Variants in LY9 observed in about 807,000 individuals in gnomAD.
The protein encoded by LY9 is lymphocyte antigen 9.
In LY9, 59 loss-of-function variants were observed where a neutral mutation model predicts 64.6. The ratio of observed to expected loss-of-function variants is 0.91; its 90% confidence interval spans 0.74 to 1.13. The LOEUF is 1.13. LY9 is among the 50% of genes most tolerant of loss of function. The pLI is 0.00. For missense variants in LY9, 789 were observed against 797.2 expected, an observed-to-expected ratio of 0.99 and a Z score of 0.12; for synonymous variants, 281 against 308.5, an observed-to-expected ratio of 0.91 and a Z score of 0.93.
rs201992005 is a variant in LY9, at chr1:160,805,789, TCTCA to T, written c.454+5711_454+5714del. Among the ~76,000 whole-genome samples, 1,303 of 145,088 alleles carry T rather than the reference TCTCA, an allele frequency of 9.0e-3. 23 individuals are homozygous for T. The highest frequency in any genetic ancestry group is 0.031 in the African/African-American group (1,249 of 40,274). ...CACACACACACACACACACTCTTAC[TCTCA>T]CTCTCTCTCTGGTAATATTTGCTTT... On this transcript the variant is annotated intron_variant, in intron 2 of 9. Coordinates refer to ENST00000263285, the MANE Select transcript of LY9 (RefSeq NM_002348.4).
At chr1:160,822,340 T>C (rs1367934537) in intron 7 of LY9, among the ~76,000 whole-genome samples, 1 of 152,136 alleles carries the variant, frequency 6.6e-6, no homozygotes, top group Non-Finnish European at 1.5e-5. Context: ...ATTGGTTCGA[T>C]AAGGCATGAC....
At chr1:160,807,980 A>G (rs903796878) in intron 2 of LY9, among the ~76,000 whole-genome samples, 1 of 152,042 alleles carries the variant, frequency 6.6e-6, no homozygotes, top group African/African-American at 2.4e-5. Context: ...CAGAGTGCTC[A>G]GGTGAGGACA....
At chr1:160,810,747 C>A (rs1271027877) in intron 2 of LY9, 1 of 152,104 alleles carries the variant, frequency 6.6e-6, no homozygotes, top group Non-Finnish European at 1.5e-5. Flanking sequence ...ACTGTAAGTC[C>A]AAAATCCATC....
chr1:160,823,303 A>T (rs954027300), intron 7 of LY9, among the ~76,000 whole-genome samples, 162 bp from the exon 8 acceptor site: 13 of 152,216 alleles, frequency 8.5e-5, no homozygotes, highest in Non-Finnish European at 1.8e-4. Flanking sequence ...GGAGGAAGGG[A>T]GAGTGGAATG....
In LY9 at chr1:160,823,460, T is replaced by A. The variant is rs1200425910; in HGVS notation, c.1499-5T>A. On this transcript the variant is annotated splice_polypyrimidine_tract_variant and splice_region_variant and intron_variant, in intron 7 of 9. Coordinates refer to ENST00000263285, the MANE Select transcript of LY9 (RefSeq NM_002348.4). Reference sequence around the variant, plus strand: ...CTTTTATCAGCCCTGCACAATGTGTTCCAGAACCCACAGCTGGCCACACGC... The same window carrying A: ...CTTTTATCAGCCCTGCACAATGTGTACCAGAACCCACAGCTGGCCACACGC... 6.2e-7 allele frequency: 1 copy of A among 1,603,382 alleles called. No individual in the cohort carries two copies. The highest frequency in any genetic ancestry group is 1.7e-5 in the Admixed American group (1 of 59,710).
rs988027479 is a variant in LY9, at chr1:160,814,410, G to A, written c.731-10G>A. ...TGACTGAAGCTGCAATGTCTCATCT[G>A]TGACCCCAGATCCAGGAGCCTCCAG... is the stretch of plus-strand genomic sequence containing the variant. On this transcript the variant is annotated splice_polypyrimidine_tract_variant and intron_variant, in intron 3 of 9. Transcript: ENST00000263285. 1 of 1,594,058 alleles carries A rather than the reference G, an allele frequency of 6.3e-7. No homozygotes were observed.
intron 2 of LY9, among the ~76,000 whole-genome samples, chr1:160,808,115 G>A (rs61801922): frequency 2.0e-5 from 3 of 152,168 alleles, no homozygotes; most frequent in Admixed American, 6.5e-5. Context: ...CTTCCCCCAA[G>A]CCAGCACTAG....
At position 160,799,921 on chromosome 1, in the gene LY9, T is replaced by TTATGGTCAAAA. The variant is rs534479066; in HGVS notation, c.294_304dup (p.Ser102IlefsTer10). 492 of 1,614,072 alleles carry TTATGGTCAAAA rather than the reference T, an allele frequency of 3.0e-4. No individual in the cohort carries two copies. Among genetic ancestry groups the TTATGGTCAAAA allele is most frequent in the Non-Finnish European group, 3.8e-4 (451 of 1,180,004 alleles). ...GCACGTCCCAAAGAAAATGTAACCA[T>TTATGGTCAAAA]TATGGTCAAAAGCTACCTGGGCCGA... On this transcript the variant is annotated frameshift_variant, in exon 2 of 10. Transcript: ENST00000263285. LOFTEE classifies it high-confidence loss of function.
chr1:160,818,119 T>C (rs1668100619), intron 5 of LY9, 99 bp from the exon 6 acceptor site: 1 of 761,640 alleles, frequency 1.3e-6, no homozygotes, highest in Non-Finnish European at 2.2e-6. Context: ...CGTCATGGAT[T>C]TTAAGGGGCA....
chr1:160,820,204 T>C (rs1668304794), intron 7 of LY9, among the ~76,000 whole-genome samples: 1 of 152,058 alleles, frequency 6.6e-6, no homozygotes, highest in Non-Finnish European at 1.5e-5. Context: ...TTAATTAAAA[T>C]TAAACTTCAG....
chr1:160,825,923 A>G (rs1668829929), intron 9 of LY9, among the ~76,000 whole-genome samples: 1 of 152,074 alleles, frequency 6.6e-6, no homozygotes, highest in African/African-American at 2.4e-5. Context: ...AAAAAAAGAA[A>G]AGACTACAGT....
intron 4 of LY9, chr1:160,815,154 A>T (rs1162245643): frequency 5.4e-6 from 1 of 185,800 alleles, no homozygotes; most frequent in Non-Finnish European, 1.1e-5. Flanking sequence ...CAGGCTGGCC[A>T]ACATGGTAAA....
rs752591472 is a variant in LY9 at position 160,799,996 on chromosome 1, T to C, written c.368T>C (p.Leu123Pro). 3 of 1,614,110 alleles carry C rather than the reference T, an allele frequency of 1.9e-6. No individual in the cohort carries two copies. The highest frequency in any genetic ancestry group is 4.5e-5 in the East Asian group (2 of 44,904). The change falls in exon 2 of 10, where the codon CTG becomes CCG. Residue 123 changes from leucine to proline, a missense_variant. By Grantham distance (98) the Leu-to-Pro change is moderately conservative. Coordinates refer to ENST00000263285, the MANE Select transcript of LY9 (RefSeq NM_002348.4). Reference protein sequence around the residue: ...SYSLCISNLTLNDAGSYKAQI... With the variant: ...SYSLCISNLTPNDAGSYKAQI... Reference sequence around the variant, plus strand: ...TCCCTGTGCATCAGCAATCTGACTCTGAATGATGCAGGATCCTACAAAGCC... The same window carrying C: ...TCCCTGTGCATCAGCAATCTGACTCCGAATGATGCAGGATCCTACAAAGCC...
chr1:160,806,435 C>T (rs73017985), intron 2 of LY9, among the ~76,000 whole-genome samples: 4,959 of 152,204 alleles, frequency 0.033, 263 homozygotes, highest in African/African-American at 0.11. Flanking sequence ...TTGTAAGACC[C>T]CATCTAGTGG....
Position 160,827,896 on chromosome 1 carries a change from A to T in LY9, c.*80A>T, listed in dbSNP as rs1026305374. On this transcript the variant is annotated 3_prime_UTR_variant, in exon 10 of 10. Transcript: ENST00000263285. ...GGACCTCATGGGGCCTGGGGCTCACAGACAGAAGCACCTCAGAATTTCCTT... is the reference window on the plus strand; with the variant it reads ...GGACCTCATGGGGCCTGGGGCTCACTGACAGAAGCACCTCAGAATTTCCTT... The T allele has an allele frequency of 2.5e-5, 27 of 1,060,318 alleles. No homozygotes were observed. The African/African-American group carries it at 3.7e-4, about 14-fold the overall frequency. The allele number at this position is 1,060,318 out of a possible 1,614,324, so 65.7% of individuals were successfully genotyped here.
chr1:160,820,956 C>A (rs1364782397), intron 7 of LY9, among the ~76,000 whole-genome samples: 1 of 129,662 alleles, frequency 7.7e-6, no homozygotes, highest in African/African-American at 3.2e-5. Flanking sequence ...AATTCAAGAC[C>A]AGCCTGGCCA....
Position 160,801,998 on chromosome 1 carries a change from C to G in LY9, c.454+1916C>G. 3 of 1,549,752 alleles carry G rather than the reference C, an allele frequency of 1.9e-6. No homozygotes were observed. The South Asian group carries it at 3.6e-5, about 19-fold the overall frequency. ...CGCAGCAGAGCTGGAAGGGTCCTGC[C>G]GATGGGACCCTGCCAGGCCCAGTGC... is the stretch of plus-strand genomic sequence containing the variant. On this transcript the variant is annotated intron_variant, in intron 2 of 9. Transcript: ENST00000263285.
chr1:160,799,375 A>C (rs1452176108), intron 1 of LY9: 1 of 174,348 alleles, frequency 5.7e-6, no homozygotes, highest in Non-Finnish European at 1.2e-5. Flanking sequence ...CACAATTTGC[A>C]GCAACCTGCT....
At chr1:160,807,543 C>T (rs1667092182) in intron 2 of LY9, among the ~76,000 whole-genome samples, 1 of 152,166 alleles carries the variant, frequency 6.6e-6, no homozygotes, top group Non-Finnish European at 1.5e-5. Context: ...CTCCAGGTGG[C>T]TTGCTCAGAT....
Sources: gnomAD v4.1 joint callset for allele counts (sites outside exome capture counted in the v4.1 genomes callset) on GRCh38, gnomAD v4.1.1 for gene constraint, MANE v1.5 for transcripts, NCBI Gene and HGNC (gene_info 2026-07-23, HGNC 2026-07-21) for gene names.